Variants in WDPCP observed in about 807,000 individuals in gnomAD.
The protein encoded by WDPCP is WD repeat-containing and planar cell polarity effector protein fritz homolog.
Under a neutral mutation model 93.1 loss-of-function variants are expected in WDPCP, and 71 were observed. The observed-to-expected ratio is 0.76, with a 90% confidence interval of 0.63 to 0.93. The LOEUF (loss-of-function observed/expected upper bound fraction) is 0.93, where lower values mean the gene tolerates loss of function less well. WDPCP is among the 40% of genes least tolerant of loss of function. The pLI is 0.00. For synonymous variants in WDPCP, 315 were observed against 315.0 expected (o/e 1.00, Z 0.00); for missense variants, 844 against 887.4 (o/e 0.95, Z 0.62).
chr2:63,334,695 T>C (rs369987846), intron 12 of WDPCP, among the ~76,000 whole-genome samples: 1 of 152,068 alleles, frequency 6.6e-6, no homozygotes, highest in Admixed American at 6.5e-5. Context: ...TTTCACAATC[T>C]CCTTGGTTAT....
chr2:63,474,791 C>T (rs1326356524), intron 6 of WDPCP, among the ~76,000 whole-genome samples: 1 of 151,984 alleles, frequency 6.6e-6, no homozygotes, highest in African/African-American at 2.4e-5. Context: ...AATGTAAGTT[C>T]AAATATTATG....
chr2:63,141,691 T>C (rs1362348002), intron 17 of WDPCP, among the ~76,000 whole-genome samples: 6 of 152,172 alleles, frequency 3.9e-5, no homozygotes, highest in Admixed American at 2.0e-4. Flanking sequence ...ATCAAAAGGA[T>C]TGGTACCAAT....
intron 3 of WDPCP, chr2:63,597,425 G>T (rs772495239): frequency 1.4e-6 from 2 of 1,450,794 alleles, no homozygotes; most frequent in East Asian, 2.6e-5. Flanking sequence ...TAAAGAAGAC[G>T]TTGCCTTCAA....
chr2:63,581,493 C>T (rs559140790), intron 1 of WDPCP, among the ~76,000 whole-genome samples: 1 of 152,118 alleles, frequency 6.6e-6, no homozygotes, highest in Non-Finnish European at 1.5e-5. Flanking sequence ...CCTGTTCTCA[C>T]CAGCCCGACA....
intron 9 of WDPCP, among the ~76,000 whole-genome samples, chr2:63,432,011 C>T (rs12998750): frequency 6.6e-6 from 1 of 151,716 alleles, no homozygotes; most frequent in Admixed American, 6.6e-5. Flanking sequence ...AAAAAAACAA[C>T]CCTTTAAAAA....
At chr2:63,307,218 A>C (rs1484580646) in intron 13 of WDPCP, among the ~76,000 whole-genome samples, 2 of 152,206 alleles carry the variant, frequency 1.3e-5, no homozygotes, top group Admixed American at 6.5e-5. Flanking sequence ...ACTACAAACC[A>C]CTGCTCAAGG....
chr2:63,209,108 T>C (rs1676561433), intron 14 of WDPCP, among the ~76,000 whole-genome samples: 1 of 152,172 alleles, frequency 6.6e-6, no homozygotes, highest in Non-Finnish European at 1.5e-5. Context: ...ACAGTAAGAG[T>C]AGTGATATAT....
intron 3 of WDPCP, chr2:63,605,990 C>G (rs61758126): frequency 6.2e-7 from 1 of 1,614,106 alleles, no homozygotes; most frequent in African/African-American, 1.3e-5. Flanking sequence ...CTATGGTGTT[C>G]CTGATGATCT....
chr2:63,813,140 C>A (rs1670885363), intron 2 of WDPCP, among the ~76,000 whole-genome samples: 1 of 152,130 alleles, frequency 6.6e-6, no homozygotes, highest in African/African-American at 2.4e-5. Context: ...CAGGCATGAG[C>A]CACCATGCTC....
chr2:63,380,238 CA>C (rs1249225285), intron 11 of WDPCP, among the ~76,000 whole-genome samples: 16 of 151,328 alleles, frequency 1.1e-4, no homozygotes, highest in Non-Finnish European at 1.9e-4. Context: ...TTTTTTCTTT[CA>C]TTTTTTTTTT....
intron 3 of WDPCP, chr2:63,643,560 C>A (rs1424629361): frequency 7.0e-6 from 3 of 428,544 alleles, no homozygotes; most frequent in African/African-American, 2.1e-5. Context: ...GTCTCCAAAC[C>A]AATCTGAATC....
At chr2:63,365,322 C>T (rs1447067281) in intron 12 of WDPCP, among the ~76,000 whole-genome samples, 2 of 152,136 alleles carry the variant, frequency 1.3e-5, no homozygotes, top group East Asian at 3.9e-4. Flanking sequence ...CTGTATGTAA[C>T]CCCAAAGAAT....
chr2:63,489,855 T>C (rs1051812768), intron 2 of WDPCP, among the ~76,000 whole-genome samples: 1 of 151,994 alleles, frequency 6.6e-6, no homozygotes, highest in Admixed American at 6.6e-5. Flanking sequence ...TATTTCCCTA[T>C]GAAATACTTA....
intron 13 of WDPCP, among the ~76,000 whole-genome samples, chr2:63,263,945 T>C (rs1216582770): frequency 6.6e-6 from 1 of 152,218 alleles, no homozygotes; most frequent in Non-Finnish European, 1.5e-5. Flanking sequence ...ATGTGCCAGA[T>C]ACAGAGATGA....
chr2:63,400,609 A>G (rs1464987074), intron 10 of WDPCP, among the ~76,000 whole-genome samples: 3 of 152,210 alleles, frequency 2.0e-5, no homozygotes, highest in South Asian at 2.1e-4. Context: ...TAAAACTACC[A>G]TTGACATTCT....
At chr2:63,355,856 C>A (rs757979283) in intron 12 of WDPCP, among the ~76,000 whole-genome samples, 1 of 152,142 alleles carries the variant, frequency 6.6e-6, no homozygotes, top group Non-Finnish European at 1.5e-5. Context: ...CCACTGCACT[C>A]CAGCCTGGGT....
At chr2:63,492,286 A>G (rs564971619) in intron 2 of WDPCP, among the ~76,000 whole-genome samples, 5 of 152,138 alleles carry the variant, frequency 3.3e-5, no homozygotes, top group Non-Finnish European at 5.9e-5. Flanking sequence ...TTGTTAAAAC[A>G]CACATATTAT....
intron 6 of WDPCP, among the ~76,000 whole-genome samples, chr2:63,452,541 C>T (rs560347056): frequency 2.0e-5 from 3 of 152,234 alleles, no homozygotes; most frequent in African/African-American, 7.2e-5. Context: ...AGATTCAATG[C>T]CATCCCCATC....
intron 1 of WDPCP, among the ~76,000 whole-genome samples, chr2:63,570,338 A>G (rs1707385508): frequency 6.6e-6 from 1 of 152,210 alleles, no homozygotes; most frequent in African/African-American, 2.4e-5. Flanking sequence ...GAGAATTTTT[A>G]TGAACTTGAT....
Sources: gnomAD v4.1 joint callset for allele counts (sites outside exome capture counted in the v4.1 genomes callset) on GRCh38, gnomAD v4.1.1 for gene constraint, MANE v1.5 for transcripts, NCBI Gene and HGNC (gene_info 2026-07-23, HGNC 2026-07-21) for gene names.